ANKFN1: variants seen among roughly 807,000 people sequenced by gnomAD.
The protein encoded by ANKFN1 is ankyrin repeat and fibronectin type III domain containing 1.
Under a neutral mutation model 108.7 loss-of-function variants are expected in ANKFN1, and 74 were observed. That is an observed-to-expected ratio of 0.68 (90% confidence interval 0.56 to 0.83). The LOEUF is 0.83. ANKFN1 is among the 40% of genes least tolerant of loss of function. The pLI, the probability that ANKFN1 is intolerant of heterozygous loss-of-function variation, is 0.00. For synonymous variants in ANKFN1, 547 were observed against 516.2 expected (o/e 1.06, Z -0.81); for missense variants, 1,505 against 1,382.3 (o/e 1.09, Z -1.41).
At chr17:56,412,003 A>G (rs1444482374) in intron 8 of ANKFN1, among the ~76,000 whole-genome samples, 1 of 152,204 alleles carries the variant, frequency 6.6e-6, no homozygotes, top group Non-Finnish European at 1.5e-5. Flanking sequence ...GCCTCATAAA[A>G]TAAGTTCAGA....
chr17:56,506,680 T>C (rs1275381120), intron 20 of ANKFN1, among the ~76,000 whole-genome samples: 1 of 151,248 alleles, frequency 6.6e-6, no homozygotes, highest in Non-Finnish European at 1.5e-5. Context: ...GTAGCAGCAA[T>C]GTCAAGAAGC....
At chr17:56,302,745 C>A (rs1472678809) in intron 3 of ANKFN1, among the ~76,000 whole-genome samples, 2 of 152,042 alleles carry the variant, frequency 1.3e-5, no homozygotes, top group African/African-American at 2.4e-5. Context: ...CATAGGCTAC[C>A]AAACCAAGAG....
chr17:56,408,884 G>A (rs1598551432), intron 8 of ANKFN1, among the ~76,000 whole-genome samples: 1 of 151,566 alleles, frequency 6.6e-6, no homozygotes, highest in East Asian at 1.9e-4. Context: ...GCAGTCATGA[G>A]ATTATGTTAC....
chr17:56,334,448 A>C (rs1040545022), intron 4 of ANKFN1, among the ~76,000 whole-genome samples: 6 of 152,150 alleles, frequency 3.9e-5, no homozygotes, highest in Non-Finnish European at 8.8e-5. Flanking sequence ...AAAGCTAATC[A>C]AATTGTACTT....
chr17:56,429,630 G>A (rs2048688641), intron 8 of ANKFN1, among the ~76,000 whole-genome samples: 1 of 152,206 alleles, frequency 6.6e-6, no homozygotes, highest in African/African-American at 2.4e-5. Flanking sequence ...AGACTATGTT[G>A]AGGAGTTTAG....
chr17:56,405,032 A>G (rs935344849), intron 8 of ANKFN1, among the ~76,000 whole-genome samples: 4 of 152,184 alleles, frequency 2.6e-5, no homozygotes, highest in African/African-American at 9.7e-5. Context: ...TCTGTCAGCC[A>G]TGGATACCAG....
intron 17 of ANKFN1, 28 bp downstream of exon 17, chr17:56,480,846 T>C: frequency 6.3e-7 from 1 of 1,594,412 alleles, no homozygotes; most frequent in Non-Finnish European, 8.5e-7. Context: ...TTTTATCTTC[T>C]TTTTTTATGG....
intron 4 of ANKFN1, among the ~76,000 whole-genome samples, chr17:56,111,800 A>T (rs1905979814): frequency 6.6e-6 from 1 of 152,210 alleles, no homozygotes; most frequent in South Asian, 2.1e-4. Context: ...AAAAAAGAGG[A>T]TGGCAAAATA....
At position 56,096,850 on chromosome 17, in the gene ANKFN1, A is replaced by G. The variant is rs1054734502; in HGVS notation, c.288+50525A>G. 2.6e-5 allele frequency among the ~76,000 whole-genome samples: 4 copies of G among 152,242 alleles called. No homozygotes were observed. In the East Asian group the frequency reaches 7.7e-4, roughly 29 times the overall value. ...CAGCAATATTCACAATAGTGAAGAT[A>G]AAGAACCAACTTAAATGTCTATCAA... On this transcript the variant is annotated intron_variant, in intron 4 of 12. Coordinates refer to the ANKFN1 transcript ENST00000635860.
intron 1 of ANKFN1, among the ~76,000 whole-genome samples, chr17:56,164,004 CA>C (rs1909921680): frequency 6.6e-6 from 1 of 152,196 alleles, no homozygotes; most frequent in Admixed American, 6.5e-5. Context: ...TCTGCATCAG[CA>C]ATAGCAGGTG....
chr17:56,066,133 GT>G (rs1189241955), intron 4 of ANKFN1, among the ~76,000 whole-genome samples: 1 of 152,192 alleles, frequency 6.6e-6, no homozygotes, highest in African/African-American at 2.4e-5. Flanking sequence ...TTGGCTTAGA[GT>G]TCTGTGATGG....
At chr17:56,329,510 T>A (rs1198668604) in intron 4 of ANKFN1, among the ~76,000 whole-genome samples, 2 of 152,168 alleles carry the variant, frequency 1.3e-5, no homozygotes, top group Admixed American at 1.3e-4. Context: ...CACTCACCCC[T>A]CTGTGCTACT....
At chr17:56,101,985 A>T (rs1055921467) in intron 4 of ANKFN1, among the ~76,000 whole-genome samples, 3 of 152,212 alleles carry the variant, frequency 2.0e-5, no homozygotes, top group African/African-American at 7.2e-5. Flanking sequence ...CATAGTTTTC[A>T]AAGATTCCAT....
chr17:56,487,924 C>G (rs1399451996), intron 18 of ANKFN1, among the ~76,000 whole-genome samples: 8 of 152,208 alleles, frequency 5.3e-5, no homozygotes, highest in African/African-American at 1.9e-4. Flanking sequence ...TGATTAAGTA[C>G]ACTCTTAATA....
chr17:56,476,948 A>C (rs771696300), intron 15 of ANKFN1, among the ~76,000 whole-genome samples: 15 of 152,226 alleles, frequency 9.9e-5, no homozygotes, highest in African/African-American at 1.7e-4. Context: ...CATAAAATTC[A>C]ATAAACCTCT....
rs1270413824 is a variant in ANKFN1 at position 56,456,872 on chromosome 17, T to C, written c.1219T>C (p.Leu407=). ...AAAATACATTCCAGAAAGCACAAAATTACAAACCACAGGCCGCAAGCAGTC... is the reference window on the plus strand; with the variant it reads ...AAAATACATTCCAGAAAGCACAAAACTACAAACCACAGGCCGCAAGCAGTC... ...QHYSCRESTK[L]QTTGRKQSVS... is the part of the protein sequence containing the mutation. The change falls in exon 12 of 21, where the codon TTA becomes CTA. Residue 407 remains leucine (L), a synonymous_variant. Transcript: ENST00000682825. 6.2e-7 allele frequency: 1 copy of C among 1,613,960 alleles called. No homozygotes were observed. The highest frequency in any genetic ancestry group is 8.5e-7 in the Non-Finnish European group (1 of 1,179,932).
At chr17:56,085,670 A>G (rs1322411414) in intron 4 of ANKFN1, among the ~76,000 whole-genome samples, 2 of 151,408 alleles carry the variant, frequency 1.3e-5, no homozygotes, top group East Asian at 1.9e-4. Context: ...TGGGATGACC[A>G]TCTGTGGATG....
At chr17:56,081,920 C>T (rs1391129710) in intron 4 of ANKFN1, among the ~76,000 whole-genome samples, 2 of 152,164 alleles carry the variant, frequency 1.3e-5, no homozygotes, top group Non-Finnish European at 2.9e-5. Context: ...GTGTGTGAGC[C>T]CACGCACCGA....
chr17:56,157,113 T>C (rs191605489), intron 1 of ANKFN1, among the ~76,000 whole-genome samples: 42 of 152,258 alleles, frequency 2.8e-4, no homozygotes, highest in Middle Eastern at 3.4e-3. Flanking sequence ...TGGTAGAATA[T>C]TGCAGTGAGA....
Sources: gnomAD v4.1 joint callset for allele counts (sites outside exome capture counted in the v4.1 genomes callset) on GRCh38, gnomAD v4.1.1 for gene constraint, MANE v1.5 for transcripts, NCBI Gene and HGNC (gene_info 2026-07-23, HGNC 2026-07-21) for gene names.